The following KCNK1 variants were observed in gnomAD, a reference collection of about 807,000 sequenced individuals.
KCNK1 encodes potassium two pore domain channel subfamily K member 1.
A neutral mutation model predicts 22.2 loss-of-function variants in KCNK1; 10 were observed. The ratio of observed to expected loss-of-function variants is 0.45; its 90% CI spans 0.28 to 0.76. The LOEUF (loss-of-function observed/expected upper bound fraction) is 0.76. KCNK1 is among the 30% of genes least tolerant of loss of function. The probability of loss-of-function intolerance (pLI) is 0.14; values close to 1 mark genes in which losing one functional copy is unlikely to be tolerated. For synonymous variants in KCNK1, 200 were observed against 186.4 expected, an observed-to-expected ratio of 1.07 and a Z score of -0.60; for missense variants, 378 against 421.0, an observed-to-expected ratio of 0.90 and a Z score of 0.89.
intron 2 of KCNK1, among the ~76,000 whole-genome samples, chr1:233,669,990 G>A (rs997708143): frequency 6.6e-6 from 1 of 152,132 alleles, no homozygotes; most frequent in African/African-American, 2.4e-5. Flanking sequence ...CTGTTATGCT[G>A]CCAATTTTAG....
At chr1:233,621,635 A>G (rs929638672) in intron 1 of KCNK1, among the ~76,000 whole-genome samples, 5 of 152,222 alleles carry the variant, frequency 3.3e-5, no homozygotes, top group African/African-American at 1.2e-4. Context: ...TTTCCACCCA[A>G]TAATGGTCAA....
chr1:233,614,320 A>G lies in KCNK1; in HGVS notation c.149A>G (p.Asp50Gly), dbSNP rs147368935. 1.7e-4 allele frequency: 275 copies of G among 1,612,184 alleles called. 2 individuals carry two copies. The Middle Eastern group carries it at 4.0e-3, about 23-fold the overall frequency. The change falls in exon 1 of 3, where the codon GAC becomes GGC. Residue 50 changes from aspartate (D) to glycine (G), a missense_variant. Transcript: ENST00000366621. Reference sequence around the variant, plus strand: ...TCCTCGGTGGAGCTGCCCTATGAGGACCTGCTGCGCCAGGAGCTGCGCAAG... The same window carrying G: ...TCCTCGGTGGAGCTGCCCTATGAGGGCCTGCTGCGCCAGGAGCTGCGCAAG... Reference protein sequence around the residue: ...VFSSVELPYEDLLRQELRKLK... With the variant: ...VFSSVELPYEGLLRQELRKLK...
At chr1:233,666,567 C>T (rs748160788) in intron 1 of KCNK1, 28 bp from the exon 2 acceptor site, 95 of 1,563,936 alleles carry the variant, frequency 6.1e-5, no homozygotes, top group Non-Finnish European at 8.0e-5. Context: ...TCTTCCTCTT[C>T]GCCTCAGTGA....
chr1:233,614,597 G>A, intron 1 of KCNK1, 71 bp downstream of exon 1: 4 of 1,246,274 alleles, frequency 3.2e-6, no homozygotes, highest in East Asian at 2.6e-5. Context: ...CGGCCCCGGC[G>A]CCCCGGGCCC....
At chr1:233,645,741 G>C (rs868836201) in intron 1 of KCNK1, among the ~76,000 whole-genome samples, 17 of 152,166 alleles carry the variant, frequency 1.1e-4, no homozygotes, top group Middle Eastern at 3.2e-3. Flanking sequence ...CGTACATTAG[G>C]GGGTGGAGGA....
In KCNK1 at chr1:233,671,298, T is replaced by C; in HGVS notation, c.779T>C (p.Met260Thr). 4 of 1,614,170 alleles carry C rather than the reference T, an allele frequency of 2.5e-6. No homozygotes were observed. The highest frequency in any genetic ancestry group is 3.4e-6 in the Non-Finnish European group (4 of 1,179,982). ...TCYLLLGLIAMLVVLETFCEL... is the reference protein window; with the variant it reads ...TCYLLLGLIATLVVLETFCEL... ...TACCTGCTACTTGGCCTTATTGCCA[T>C]GTTGGTAGTTCTGGAAACCTTCTGT... Residue 260 changes from methionine to threonine, a missense_variant, in exon 3 of 3, where the codon ATG (methionine) becomes ACG (threonine). Physicochemically the swap from Met to Thr is moderately conservative, Grantham distance 81 (BLOSUM62 -1). Coordinates refer to ENST00000366621, the MANE Select transcript of KCNK1 (RefSeq NM_002245.4).
intron 1 of KCNK1, among the ~76,000 whole-genome samples, chr1:233,649,408 A>C (rs993390741): frequency 6.6e-6 from 1 of 151,812 alleles, no homozygotes; most frequent in Non-Finnish European, 1.5e-5. Flanking sequence ...TTTTTCCTCT[A>C]CTCTTGCATG....
At chr1:233,640,577 A>G (rs1479816213) in intron 1 of KCNK1, among the ~76,000 whole-genome samples, 1 of 152,248 alleles carries the variant, frequency 6.6e-6, no homozygotes, top group Non-Finnish European at 1.5e-5. Flanking sequence ...GAACTTTGGT[A>G]ACATTTTACA....
chr1:233,640,032 A>G (rs771780328), intron 1 of KCNK1, among the ~76,000 whole-genome samples: 3 of 152,224 alleles, frequency 2.0e-5, no homozygotes, highest in Non-Finnish European at 4.4e-5. Context: ...AGGGGACTGT[A>G]AGCTTTCCAT....
chr1:233,640,913 C>T (rs550469347), intron 1 of KCNK1, among the ~76,000 whole-genome samples: 4 of 152,238 alleles, frequency 2.6e-5, no homozygotes, highest in African/African-American at 9.6e-5. Context: ...CCATGTTGGC[C>T]AGGCTGGTCT....
chr1:233,650,153 G>A (rs1658174119), intron 1 of KCNK1: 3 of 420,918 alleles, frequency 7.1e-6, no homozygotes, highest in South Asian at 5.4e-5. Flanking sequence ...GAATTTACCA[G>A]CATCTACTGA....
At chr1:233,639,766 C>T (rs4649240) in intron 1 of KCNK1, among the ~76,000 whole-genome samples, 62,986 of 152,024 alleles carry the variant, frequency 0.41, 13,584 homozygotes, top group Admixed American at 0.56. Flanking sequence ...CATGTTTGCT[C>T]ATTTTTGCTT....
rs538754784 is a variant in KCNK1 at position 233,617,046 on chromosome 1, CTT to C, written c.355+2530_355+2531del. Among the ~76,000 whole-genome samples the C allele has an allele frequency of 4.7e-5, 7 of 147,542 alleles. No homozygotes were observed. The South Asian group carries it at 1.5e-3, about 32-fold the overall frequency. ...TTGGGTGGATATTAGACATGTTGTG[CTT>C]TTTTTTTTTCTTTTCTTAACACTTC... On this transcript the variant is annotated intron_variant, in intron 1 of 2. Transcript: ENST00000366621.
At chr1:233,630,143 C>T (rs1291951716) in intron 1 of KCNK1, among the ~76,000 whole-genome samples, 3 of 152,140 alleles carry the variant, frequency 2.0e-5, no homozygotes, top group African/African-American at 7.2e-5. Flanking sequence ...TGAGTAACCT[C>T]TCAAGGGTGT....
intron 1 of KCNK1, chr1:233,650,100 T>C: frequency 5.7e-6 from 3 of 524,634 alleles, no homozygotes; most frequent in South Asian, 2.9e-5. Flanking sequence ...AAGAGAACTT[T>C]TAGGAGAGGA....
chr1:233,639,528 C>T (rs1401306070), intron 1 of KCNK1, among the ~76,000 whole-genome samples: 1 of 152,214 alleles, frequency 6.6e-6, no homozygotes, highest in Non-Finnish European at 1.5e-5. Flanking sequence ...TTCTAAGCGT[C>T]CTTCTCATTT....
At chr1:233,627,185 T>C (rs77560745) in intron 1 of KCNK1, among the ~76,000 whole-genome samples, 5,968 of 152,282 alleles carry the variant, frequency 0.039, 159 homozygotes, top group African/African-American at 0.07. Flanking sequence ...AATGATCCCA[T>C]GAGTATAACA....
chr1:233,659,589 G>A lies in KCNK1; in HGVS notation c.356-7006G>A, dbSNP rs913467142. 7.9e-5 allele frequency among the ~76,000 whole-genome samples: 12 copies of A among 151,402 alleles called. No homozygotes were observed. The East Asian group carries it at 1.2e-3, about 15-fold the overall frequency. The stretch of plus-strand genomic sequence containing the variant: ...CAATATATATACATACACTATAATC[G>A]TATGTGCTATACTTTTATGCAAATA... On this transcript the variant is annotated intron_variant, in intron 1 of 2. Coordinates refer to ENST00000366621, the MANE Select transcript of KCNK1 (RefSeq NM_002245.4).
chr1:233,628,586 C>G (rs1657732916), intron 1 of KCNK1, among the ~76,000 whole-genome samples: 1 of 151,978 alleles, frequency 6.6e-6, no homozygotes, highest in African/African-American at 2.4e-5. Context: ...ATGGTGAAAC[C>G]CTCATCTCTA....
Sources: gnomAD v4.1 joint callset for allele counts (sites outside exome capture counted in the v4.1 genomes callset) on GRCh38, gnomAD v4.1.1 for gene constraint, MANE v1.5 for transcripts, NCBI Gene and HGNC (gene_info 2026-07-23, HGNC 2026-07-21) for gene names.